ATRNL1: variants seen among roughly 807,000 people sequenced by gnomAD.
ATRNL1 encodes the protein attractin-like protein 1.
Under a neutral mutation model 182.7 loss-of-function variants are expected in ATRNL1, and 95 were observed. That is an observed-to-expected ratio of 0.52 (90% CI 0.44 to 0.62). The LOEUF is 0.62. ATRNL1 is among the 20% of genes least tolerant of loss of function. The pLI is 0.00. For missense variants in ATRNL1, 1,471 were observed against 1,679.5 expected, an observed-to-expected ratio of 0.88 and a Z score of 2.17; for synonymous variants, 576 against 568.3, an observed-to-expected ratio of 1.01 and a Z score of -0.19.
At chr10:115,345,263 G>T (rs1564935849) in intron 19 of ATRNL1, among the ~76,000 whole-genome samples, 1 of 152,206 alleles carries the variant, frequency 6.6e-6, no homozygotes, top group Non-Finnish European at 1.5e-5. Context: ...AGGTCAGTGG[G>T]AACTGAAGTT....
At chr10:115,230,913 G>GAGAGAGAGAGAGAGAA (rs1849914042) in intron 9 of ATRNL1, among the ~76,000 whole-genome samples, 2 of 117,606 alleles carry the variant, frequency 1.7e-5, no homozygotes, top group African/African-American at 7.1e-5. Context: ...GAGAGAGAGA[G>GAGAGAGAGAGAGAGAA]AGAGAGAGAA....
chr10:115,444,649 T>G (rs539802361), intron 21 of ATRNL1, among the ~76,000 whole-genome samples: 5 of 152,180 alleles, frequency 3.3e-5, no homozygotes, highest in South Asian at 2.1e-4. Flanking sequence ...AGTTGATTTT[T>G]TTTTTCAAAA....
intron 26 of ATRNL1, among the ~76,000 whole-genome samples, chr10:115,565,710 T>C (rs531726497): frequency 2.0e-5 from 3 of 152,234 alleles, no homozygotes; most frequent in Admixed American, 2.0e-4. Flanking sequence ...GTATTTTCAA[T>C]CAAACTATGT....
intron 28 of ATRNL1, among the ~76,000 whole-genome samples, chr10:115,875,734 A>G (rs1173146431): frequency 1.3e-5 from 2 of 152,204 alleles, no homozygotes; most frequent in Non-Finnish European, 2.9e-5. Context: ...CAGCCCTTAT[A>G]GAGCTTATAG....
At chr10:115,915,560 A>G (rs917862141) in intron 28 of ATRNL1, among the ~76,000 whole-genome samples, 3 of 152,184 alleles carry the variant, frequency 2.0e-5, no homozygotes, top group Non-Finnish European at 4.4e-5. Flanking sequence ...GTATTGGTAT[A>G]TATATAGATA....
chr10:115,114,779 C>T (rs1046257282), intron 1 of ATRNL1, among the ~76,000 whole-genome samples: 8 of 151,790 alleles, frequency 5.3e-5, no homozygotes, highest in Middle Eastern at 6.8e-3. Context: ...AAGTTTTGTA[C>T]ACTATTGGGG....
intron 26 of ATRNL1, among the ~76,000 whole-genome samples, chr10:115,629,120 C>T (rs1265915659): frequency 6.6e-6 from 1 of 151,944 alleles, no homozygotes; most frequent in Non-Finnish European, 1.5e-5. Flanking sequence ...TGGGCATTAT[C>T]CACAATGTTT....
intron 28 of ATRNL1, among the ~76,000 whole-genome samples, chr10:115,879,248 A>G (rs1951768502): frequency 6.7e-6 from 1 of 148,582 alleles, no homozygotes; most frequent in African/African-American, 2.5e-5. Flanking sequence ...TCCATGTTGC[A>G]GTGAACCATG....
intron 26 of ATRNL1, among the ~76,000 whole-genome samples, chr10:115,557,073 T>C (rs1435221112): frequency 6.6e-6 from 1 of 152,080 alleles, no homozygotes; most frequent in African/African-American, 2.4e-5. Flanking sequence ...TGGGAAACTG[T>C]AGAAGGGTTT....
rs782644929 is a variant in ATRNL1, at chr10:115,315,655, A to G, written c.2956A>G (p.Met986Val). 9.9e-6 allele frequency: 16 copies of G among 1,613,782 alleles called. No homozygotes were observed. Among genetic ancestry groups the G allele is most frequent in the Admixed American group, 3.3e-5 (2 of 59,940 alleles). The change falls in exon 18 of 29, where the codon ATG (methionine) becomes GTG (valine). Residue 986 changes from methionine (M) to valine (V), a missense_variant. Physicochemically the swap from Met to Val is conservative, Grantham distance 21. Transcript: ENST00000355044. ...SSRGPMKLIG[M>V]HHSEMVLDTN... The stretch of plus-strand genomic sequence containing the variant: ...ACGGGGACCAATGAAGCTTATTGGA[A>G]TGCACCACAGTGAGATGGTTCTTGA...
At chr10:115,902,809 C>A (rs1462988520) in intron 28 of ATRNL1, among the ~76,000 whole-genome samples, 1 of 152,146 alleles carries the variant, frequency 6.6e-6, no homozygotes, top group Non-Finnish European at 1.5e-5. Flanking sequence ...TGAGAAGCAA[C>A]GGGGGGATCT....
intron 28 of ATRNL1, among the ~76,000 whole-genome samples, chr10:115,923,707 A>G (rs552421430): frequency 1.6e-3 from 247 of 152,322 alleles, no homozygotes; most frequent in African/African-American, 5.8e-3. Context: ...TAGTGCCACA[A>G]TAAACATACA....
chr10:115,931,497 A>G (rs1218702470), intron 28 of ATRNL1, among the ~76,000 whole-genome samples: 2 of 152,200 alleles, frequency 1.3e-5, no homozygotes, highest in Non-Finnish European at 2.9e-5. Context: ...CCCAGACCTC[A>G]GAGGAAGATT....
chr10:115,564,350 C>T (rs1248335984), intron 26 of ATRNL1, among the ~76,000 whole-genome samples: 1 of 151,948 alleles, frequency 6.6e-6, no homozygotes, highest in African/African-American at 2.4e-5. Flanking sequence ...CAAGGGCAGT[C>T]AATCAAAGCT....
At chr10:115,230,732 T>C (rs1408768271) in intron 9 of ATRNL1, among the ~76,000 whole-genome samples, 15 of 152,080 alleles carry the variant, frequency 9.9e-5, no homozygotes, top group African/African-American at 1.9e-4. Flanking sequence ...GCTATTTTAA[T>C]GATCTAAGAG....
At chr10:115,869,675 A>T (rs1027136908) in intron 28 of ATRNL1, among the ~76,000 whole-genome samples, 1 of 152,082 alleles carries the variant, frequency 6.6e-6, no homozygotes, top group Admixed American at 6.5e-5. Context: ...TCATTGTTTA[A>T]AATTTAGGAA....
At chr10:115,842,751 G>A (rs1001033314) in intron 27 of ATRNL1, among the ~76,000 whole-genome samples, 1 of 151,982 alleles carries the variant, frequency 6.6e-6, no homozygotes, top group African/African-American at 2.4e-5. Flanking sequence ...TTGTATAGTG[G>A]CTGAAAACCT....
chr10:115,095,467 G>C (rs1338243746), intron 1 of ATRNL1, among the ~76,000 whole-genome samples: 1 of 151,274 alleles, frequency 6.6e-6, no homozygotes, highest in Non-Finnish European at 1.5e-5. Context: ...TAAAATTTTA[G>C]GTAGAGTCTA....
chr10:115,561,690 G>GTGTGTGTGTGT (rs1853734733), intron 26 of ATRNL1, among the ~76,000 whole-genome samples: 15 of 50,502 alleles, frequency 3.0e-4, no homozygotes, highest in Middle Eastern at 0.014. Flanking sequence ...TGTGTGTGTG[G>GTGTGTGTGTGT]GTGTGTGTGT....
Sources: allele counts gnomAD v4.1 joint callset (sites outside exome capture counted in the v4.1 genomes callset), GRCh38; gene constraint gnomAD v4.1.1; transcripts MANE v1.5; gene names NCBI Gene and HGNC (gene_info 2026-07-23, HGNC 2026-07-21).